ERG: variants seen among roughly 807,000 people sequenced by gnomAD.
ERG encodes ETS transcription factor ERG.
In ERG, 9 loss-of-function variants were observed where a neutral mutation model predicts 55.3. That is an observed-to-expected ratio of 0.16 (90% CI 0.10 to 0.28). The LOEUF (loss-of-function observed/expected upper bound fraction) is 0.28, where lower values mean the gene tolerates loss of function less well. ERG is among the 10% of genes least tolerant of loss of function. The pLI is 1.00. For synonymous variants in ERG, 223 were observed against 237.3 expected, an observed-to-expected ratio of 0.94 and a Z score of 0.55; for missense variants, 434 against 631.6, an observed-to-expected ratio of 0.69 and a Z score of 3.35.
intron 2 of ERG, among the ~76,000 whole-genome samples, chr21:38,547,629 G>T (rs2059796507): frequency 1.3e-5 from 2 of 152,196 alleles, no homozygotes; most frequent in Admixed American, 6.5e-5. Flanking sequence ...CTGATTCATG[G>T]ATGCTTTTTG....
rs77372280 is a variant in ERG, at chr21:38,522,152, C to A, written c.-41+53510G>T. ...AAGTGGTCCCCTTCCTATGAGTAAG[C>A]CCCCAGGAAAAATAAATTGCTTTTA... is the stretch of plus-strand genomic sequence containing the variant. On this transcript the variant is annotated intron_variant, in intron 2 of 8. Transcript: ENST00000398897. 1.1e-4 allele frequency among the ~76,000 whole-genome samples: 17 copies of A among 152,040 alleles called. No homozygotes were observed. The East Asian group carries it at 2.3e-3, about 21-fold the overall frequency.
At chr21:38,483,514 T>C (rs2059256558) in intron 1 of ERG, among the ~76,000 whole-genome samples, 1 of 152,208 alleles carries the variant, frequency 6.6e-6, no homozygotes, top group Non-Finnish European at 1.5e-5. Flanking sequence ...AACAATTGTA[T>C]ATGCATCTGG....
chr21:38,386,208 C>T (rs1264721305), intron 9 of ERG, among the ~76,000 whole-genome samples: 19 of 152,124 alleles, frequency 1.2e-4, no homozygotes, highest in Non-Finnish European at 1.0e-4. Context: ...ACTATTTTAC[C>T]CAGTAGCCAT....
Position 38,383,700 on chromosome 21 carries a change from G to A in ERG, c.1143C>T (p.Val381=), listed in dbSNP as rs1987558585. Residue 381 remains valine (V), a synonymous_variant, in exon 10 of 10, where the codon GTC becomes GTT. Coordinates refer to ENST00000288319, the MANE Select transcript of ERG (RefSeq NM_182918.4). This position sits in a 1 kb window ranked among gnomAD's most constrained non-coding sequence, Gnocchi z 5.7. ...ACTTGTAGGCGTAGCGCTTCCCATG[G>A]ACCTTGGTCATGATGTTCTTGTCAT... The part of the protein sequence containing the change: ...YYYDKNIMTK[V]HGKRYAYKFD... 3 of 1,614,042 alleles carry A rather than the reference G, an allele frequency of 1.9e-6. No homozygotes were observed. The highest frequency in any genetic ancestry group is 2.5e-6 in the Non-Finnish European group (3 of 1,180,034).
chr21:38,603,417 G>A (rs959434822), intron 1 of ERG, among the ~76,000 whole-genome samples: 9 of 152,038 alleles, frequency 5.9e-5, no homozygotes, highest in Admixed American at 2.6e-4. Context: ...TCAAGAGATC[G>A]AGACCATCCT....
At chr21:38,542,009 C>A (rs548773349) in intron 2 of ERG, among the ~76,000 whole-genome samples, 8 of 151,996 alleles carry the variant, frequency 5.3e-5, no homozygotes, top group Non-Finnish European at 1.2e-4. Context: ...TGTTTATTTT[C>A]GTTTTTGTTT....
intron 1 of ERG, among the ~76,000 whole-genome samples, chr21:38,477,713 G>A (rs567186281): frequency 5.3e-5 from 8 of 152,182 alleles, no homozygotes; most frequent in Non-Finnish European, 8.8e-5. Flanking sequence ...AAAGGGTAAG[G>A]GCCCTATGAC....
chr21:38,605,411 C>T (rs1203826367), intron 1 of ERG, among the ~76,000 whole-genome samples: 1 of 152,136 alleles, frequency 6.6e-6, no homozygotes, highest in African/African-American at 2.4e-5. Flanking sequence ...GGCCTTATTC[C>T]AATTACAAGC....
At chr21:38,477,270 T>C (rs1166748391) in intron 1 of ERG, among the ~76,000 whole-genome samples, 2 of 152,172 alleles carry the variant, frequency 1.3e-5, no homozygotes, top group Non-Finnish European at 2.9e-5. Flanking sequence ...TCCCAAAATG[T>C]TGGGATGACA....
At chr21:38,448,532 C>T (rs1021247091) in intron 1 of ERG, among the ~76,000 whole-genome samples, 3 of 152,196 alleles carry the variant, frequency 2.0e-5, no homozygotes, top group African/African-American at 4.8e-5. Flanking sequence ...GGCTGCTGAA[C>T]ACCTAGGATG....
At chr21:38,478,716 A>C (rs3787903) in intron 1 of ERG, among the ~76,000 whole-genome samples, 7,427 of 152,304 alleles carry the variant, frequency 0.049, 260 homozygotes, top group East Asian at 0.1. Context: ...TTAGGTGCAG[A>C]TATCAAAGAC....
chr21:38,640,743 C>T (rs76622165), intron 1 of ERG, among the ~76,000 whole-genome samples: 29,487 of 151,998 alleles, frequency 0.19, 3,034 homozygotes, highest in East Asian at 0.3. Flanking sequence ...TCTTTATCAG[C>T]GGTGTGAAAA....
intron 1 of ERG, among the ~76,000 whole-genome samples, chr21:38,486,458 A>G (rs796783827): frequency 3.5e-4 from 53 of 152,000 alleles, no homozygotes; most frequent in Non-Finnish European, 6.9e-4. Context: ...TCATCTAACA[A>G]CTCATTTCTC....
rs558854796 is a variant in ERG at position 38,384,939 on chromosome 21, C to T, written c.920-1016G>A. 6.6e-4 allele frequency among the ~76,000 whole-genome samples: 100 copies of T among 152,068 alleles called. 1 individual carries two copies. Among genetic ancestry groups the T allele is most frequent in the African/African-American group, 1.8e-3 (73 of 41,466 alleles). ...CCAGTGCCTTGCCTGTGTGCTGCAA[C>T]GCCAATTGTGTTAAGCAGCATTTCC... is the stretch of plus-strand genomic sequence containing the variant. On this transcript the variant is annotated intron_variant, in intron 9 of 9. Coordinates refer to ENST00000288319, the MANE Select transcript of ERG (RefSeq NM_182918.4).
At chr21:38,426,776 A>T (rs1989845468) in intron 2 of ERG, among the ~76,000 whole-genome samples, 1 of 151,940 alleles carries the variant, frequency 6.6e-6, no homozygotes, top group South Asian at 2.1e-4. Context: ...ACTTAAAAAA[A>T]AAAATTAGCC....
chr21:38,616,619 C>T (rs1357594073), intron 1 of ERG, among the ~76,000 whole-genome samples: 1 of 151,622 alleles, frequency 6.6e-6, no homozygotes, highest in Non-Finnish European at 1.5e-5. Flanking sequence ...CTGGACTGGA[C>T]TGAACTGGAC....
chr21:38,453,882 CAA>C (rs3065380), intron 1 of ERG, among the ~76,000 whole-genome samples: 21 of 129,830 alleles, frequency 1.6e-4, no homozygotes, highest in Admixed American at 1.6e-4. Flanking sequence ...AAAACTCCAT[CAA>C]AAAAAAAAAA....
chr21:38,572,877 A>G (rs544553340), intron 2 of ERG, among the ~76,000 whole-genome samples: 232 of 152,324 alleles, frequency 1.5e-3, no homozygotes, highest in African/African-American at 5.3e-3. Flanking sequence ...AGAAAGAGAG[A>G]TCTGACTGTT....
chr21:38,524,356 T>C (rs984537139), intron 2 of ERG, among the ~76,000 whole-genome samples: 1 of 152,236 alleles, frequency 6.6e-6, no homozygotes, highest in Non-Finnish European at 1.5e-5. Flanking sequence ...TGTTGACCAC[T>C]GGACTAGGAA....
Sources: allele counts gnomAD v4.1 joint callset (sites outside exome capture counted in the v4.1 genomes callset), GRCh38; gene constraint gnomAD v4.1.1; non-coding constraint Gnocchi (gnomAD v3.1); transcripts MANE v1.5; gene names NCBI Gene and HGNC (gene_info 2026-07-23, HGNC 2026-07-21).